The following OR1F1 variants were observed in gnomAD, a reference collection of about 807,000 sequenced individuals.
The protein encoded by OR1F1 is olfactory receptor 1F1.
For missense variants in OR1F1, 493 were observed against 376.3 expected (o/e 1.31, Z -2.57); for synonymous variants, 184 against 156.7 (o/e 1.17, Z -1.30).
the OR1F1 span, among the ~76,000 whole-genome samples, chr16:3,199,069 A>G: frequency 7.3e-6 from 1 of 137,476 alleles, no homozygotes; most frequent in Non-Finnish European, 1.5e-5. Context: ...ACTTGAGCTC[A>G]GGTGTTCCAG....
chr16:3,205,289 A>T, downstream of OR1F1: 3 of 785,774 alleles, frequency 3.8e-6, no homozygotes, highest in Non-Finnish European at 6.1e-6. Context: ...CTAGTGACAC[A>T]CTTAGTAATT....
exon 1 of OR1F1, chr16:3,204,845 T>A (rs1310497766): frequency 1.2e-6 from 2 of 1,614,128 alleles, no homozygotes; most frequent in Admixed American, 3.3e-5. Context: ...GTCATAATCC[T>A]TAGTGAGGGT....
chr16:3,202,121 G>T (rs543433477), upstream of OR1F1, among the ~76,000 whole-genome samples: 5 of 152,274 alleles, frequency 3.3e-5, no homozygotes, highest in Middle Eastern at 3.4e-3. Flanking sequence ...TCACTTTGGG[G>T]CTCGCTTGTC....
downstream of OR1F1, among the ~76,000 whole-genome samples, chr16:3,205,667 G>A (rs186196973): frequency 1.6e-4 from 24 of 152,106 alleles, no homozygotes; most frequent in East Asian, 1.5e-3. Flanking sequence ...AATTTCTTAC[G>A]CCTGTCTTTA....
exon 1 of OR1F1, chr16:3,204,528 C>A (rs1958177990): frequency 6.2e-7 from 1 of 1,614,218 alleles, no homozygotes; most frequent in Non-Finnish European, 8.5e-7. Flanking sequence ...CCATCTCCTT[C>A]TGTGGCTGTC....
upstream of OR1F1, among the ~76,000 whole-genome samples, chr16:3,202,211 G>C (rs1958142623): frequency 6.6e-6 from 1 of 152,200 alleles, no homozygotes; most frequent in South Asian, 2.1e-4. Flanking sequence ...AGTCTGGAAG[G>C]ATGTGAATTT....
the OR1F1 span, among the ~76,000 whole-genome samples, chr16:3,193,364 C>T: frequency 1.3e-5 from 2 of 152,240 alleles, no homozygotes. Context: ...TGCTCTCTGA[C>T]TCCGAAGGAA....
At chr16:3,204,885 C>T (rs149463179) in exon 1 of OR1F1, 2 of 1,614,194 alleles carry the variant, frequency 1.2e-6, no homozygotes, top group Non-Finnish European at 8.5e-7. Context: ...CATTTCTTTG[C>T]ATCCTGGCTT....
upstream of OR1F1, among the ~76,000 whole-genome samples, chr16:3,200,905 A>G (rs1217572630): frequency 2.0e-5 from 3 of 152,206 alleles, no homozygotes; most frequent in Non-Finnish European, 2.9e-5. Flanking sequence ...AATGTATGCA[A>G]TAATCACCAT....
chr16:3,204,182 C>T, upstream of OR1F1: 1 of 1,268,918 alleles, frequency 7.9e-7, no homozygotes, highest in South Asian at 1.5e-5. Context: ...CCATCTTAAC[C>T]AGCATTTTCC....
the OR1F1 span, among the ~76,000 whole-genome samples, chr16:3,196,862 TTTGTTG>T: frequency 6.6e-6 from 1 of 151,290 alleles, no homozygotes; most frequent in African/African-American, 2.4e-5. Context: ...GCCCAGCTAT[TTTGTTG>T]TTGTTGTTGT....
the OR1F1 span, among the ~76,000 whole-genome samples, chr16:3,189,089 C>G: frequency 6.6e-6 from 1 of 152,272 alleles, no homozygotes; most frequent in African/African-American, 2.4e-5. Flanking sequence ...GTGGGAAACT[C>G]GCTTTCTGGG....
At chr16:3,195,937 G>A in the OR1F1 span, among the ~76,000 whole-genome samples, 1 of 152,198 alleles carries the variant, frequency 6.6e-6, no homozygotes, top group Non-Finnish European at 1.5e-5. Context: ...CCACCAGGTG[G>A]GTTTGGTCAC....
the OR1F1 span, among the ~76,000 whole-genome samples, chr16:3,196,560 T>C: frequency 6.6e-6 from 1 of 151,942 alleles, no homozygotes; most frequent in Admixed American, 6.5e-5. Flanking sequence ...ATTTTTAAAA[T>C]TATTTTTGTA....
upstream of OR1F1, among the ~76,000 whole-genome samples, chr16:3,199,857 A>T (rs1015802134): frequency 2.0e-4 from 30 of 152,094 alleles, no homozygotes; most frequent in Admixed American, 3.3e-4. Context: ...CTCTACTAAA[A>T]ATACAAAATT....
chr16:3,204,253 G>A lies in OR1F1; in HGVS notation c.7G>A (p.Gly3Arg), dbSNP rs751283450. Reference sequence around the variant, plus strand: ...TGTCCAGGATCCCAGGCCCATGAGCGGGACAAACCAGTCGAGTGTCTCCGA... The same window carrying A: ...TGTCCAGGATCCCAGGCCCATGAGCAGGACAAACCAGTCGAGTGTCTCCGA... The change falls in exon 1 of 1, where the codon GGG (glycine) becomes AGG (arginine). Residue 3 changes from glycine (G) to arginine (R), a missense_variant. Gly to Arg is a moderately radical substitution (Grantham distance 125). Transcript: ENST00000304646. 4.5e-5 allele frequency: 71 copies of A among 1,595,458 alleles called. 2 individuals are homozygous for A. The highest frequency in any genetic ancestry group is 1.8e-4 in the South Asian group (16 of 89,268).
chr16:3,205,326 T>G, downstream of OR1F1: 1 of 619,378 alleles, frequency 1.6e-6, no homozygotes, highest in Non-Finnish European at 2.7e-6. Context: ...TTAATTATAA[T>G]TTTTTTTGAG....
the OR1F1 span, among the ~76,000 whole-genome samples, chr16:3,195,088 G>T: frequency 6.6e-6 from 1 of 152,202 alleles, no homozygotes; most frequent in Non-Finnish European, 1.5e-5. Flanking sequence ...TGCCAGCCGT[G>T]CTCCGGGAAG....
At chr16:3,194,905 G>A in the OR1F1 span, among the ~76,000 whole-genome samples, 33 of 152,330 alleles carry the variant, frequency 2.2e-4, no homozygotes, top group Non-Finnish European at 4.4e-4. Flanking sequence ...TTACAGGCGT[G>A]AGCCACCGCC....
Sources: gnomAD v4.1 joint callset for allele counts (sites outside exome capture counted in the v4.1 genomes callset) on GRCh38, gnomAD v4.1.1 for gene constraint, MANE v1.5 for transcripts, NCBI Gene and HGNC (gene_info 2026-07-23, HGNC 2026-07-21) for gene names.